TMC1: variants seen among roughly 807,000 people sequenced by gnomAD.
TMC1 encodes the protein transmembrane channel-like protein 1.
A neutral mutation model predicts 105.8 loss-of-function variants in TMC1; 84 were observed. The ratio of observed to expected loss-of-function variants is 0.79; its 90% confidence interval spans 0.67 to 0.95. The LOEUF is 0.95. TMC1 is among the 40% of genes least tolerant of loss of function. The probability of loss-of-function intolerance (pLI) is 0.00; values close to 1 mark genes in which losing one functional copy is unlikely to be tolerated. For missense variants in TMC1, 817 were observed against 914.1 expected (o/e 0.89, Z 1.37); for synonymous variants, 315 against 311.5 (o/e 1.01, Z -0.12).
chr9:72,775,309 T>C (rs1588077496), intron 13 of TMC1, among the ~76,000 whole-genome samples: 1 of 152,156 alleles, frequency 6.6e-6, no homozygotes, highest in South Asian at 2.1e-4. Flanking sequence ...CCACATCATA[T>C]GCTTAGAAAT....
At chr9:72,716,729 C>G (rs1301746292) in intron 8 of TMC1, among the ~76,000 whole-genome samples, 1 of 152,134 alleles carries the variant, frequency 6.6e-6, no homozygotes, top group Non-Finnish European at 1.5e-5. Context: ...TGAGCCAGAC[C>G]ACTTGGCTCC....
At chr9:72,557,972 G>A (rs1438973111) in intron 1 of TMC1, among the ~76,000 whole-genome samples, 1 of 152,146 alleles carries the variant, frequency 6.6e-6, no homozygotes, top group Non-Finnish European at 1.5e-5. Context: ...TTGTTCCTGG[G>A]AGTCAATTAT....
chr9:72,742,496 C>A lies in TMC1; in HGVS notation c.506C>A (p.Pro169Gln). The part of the protein sequence containing the change: ...DFENFKAACV[P>Q]WENKIKAIES... ...GAGAACTTCAAAGCTGCGTGTGTCCCATGGGAAAATAAAATCAAGGCTATT... is the reference window on the plus strand; with the variant it reads ...GAGAACTTCAAAGCTGCGTGTGTCCAATGGGAAAATAAAATCAAGGCTATT... The change falls in exon 10 of 24, where the codon CCA (proline) becomes CAA (glutamine). Residue 169 changes from proline (P) to glutamine (Q), a missense_variant. Pro to Gln is a moderately conservative substitution (Grantham distance 76). Transcript: ENST00000297784. 1 of 1,614,028 alleles carries A rather than the reference C, an allele frequency of 6.2e-7. No homozygotes were observed. The highest frequency in any genetic ancestry group is 8.5e-7 in the Non-Finnish European group (1 of 1,179,968).
At chr9:72,817,943 T>G (rs1828812665) in intron 19 of TMC1, among the ~76,000 whole-genome samples, 2 of 152,150 alleles carry the variant, frequency 1.3e-5, no homozygotes, top group South Asian at 4.1e-4. Context: ...TTCACACACT[T>G]TCCAAAGTTC....
chr9:72,754,357 CTT>C (rs1827638513), intron 11 of TMC1, among the ~76,000 whole-genome samples: 1 of 152,190 alleles, frequency 6.6e-6, no homozygotes, highest in African/African-American at 2.4e-5. Context: ...AGTTCTCTCT[CTT>C]GACATGAAGG....
intron 18 of TMC1, among the ~76,000 whole-genome samples, chr9:72,807,299 T>C (rs1192980660): frequency 6.6e-6 from 1 of 152,156 alleles, no homozygotes; most frequent in African/African-American, 2.4e-5. Context: ...TTTGCGCTTA[T>C]AAGGTTTTTC....
chr9:72,559,055 A>C (rs1053779260), intron 1 of TMC1, among the ~76,000 whole-genome samples: 1 of 152,166 alleles, frequency 6.6e-6, no homozygotes, highest in African/African-American at 2.4e-5. Context: ...ATTGAACTCA[A>C]ATGAACACAT....
rs549623933 is a variant in TMC1, at chr9:72,717,535, G to C, written c.362+16892G>C. Among the ~76,000 whole-genome samples the C allele has an allele frequency of 3.9e-5, 6 of 152,264 alleles. No homozygotes were observed. In the South Asian group the frequency reaches 1.2e-3, roughly 32 times the overall value. On this transcript the variant is annotated intron_variant, in intron 8 of 23. Coordinates refer to ENST00000297784, the MANE Select transcript of TMC1 (RefSeq NM_138691.3). ...ATTCTCTTGGCCTTTGTCTGAAAAA[G>C]ACTGTATCTTTCCTTCATTTATGAA...
At chr9:72,656,815 T>G (rs1825892333) in intron 5 of TMC1, among the ~76,000 whole-genome samples, 1 of 152,240 alleles carries the variant, frequency 6.6e-6, no homozygotes, top group Non-Finnish European at 1.5e-5. Context: ...GATAAGTTTC[T>G]TGGAATTAGC....
At chr9:72,538,572 G>T (rs1823625226) in intron 1 of TMC1, among the ~76,000 whole-genome samples, 1 of 152,096 alleles carries the variant, frequency 6.6e-6, no homozygotes, top group Non-Finnish European at 1.5e-5. Context: ...ATGTAGCTGG[G>T]ATTACAGGTG....
In TMC1 at chr9:72,700,761, T is replaced by TACAC. The variant is rs10645769; in HGVS notation, c.362+134_362+137dup. On this transcript the variant is annotated intron_variant, in intron 8 of 23. Transcript: ENST00000297784. Reference sequence around the variant, plus strand: ...ATATATATACACACACACACACACATACACACACACACACACACATACACT... The same window carrying TACAC: ...ATATATATACACACACACACACACATACACACACACACACACACACACATACACT... 0.064 allele frequency: 9,746 copies of TACAC among 151,282 alleles called. 289 individuals are homozygous for TACAC. Among genetic ancestry groups the TACAC allele is most frequent in the Admixed American group, 0.079 (761 of 9,604 alleles). 9.4% of individuals were successfully genotyped at this position (151,282 alleles called of 1,614,324 possible). A position where few individuals can be genotyped will look rare whatever the true frequency, so the allele number is the denominator to read the frequency against.
chr9:72,674,868 C>A (rs1826177483), intron 5 of TMC1, among the ~76,000 whole-genome samples: 1 of 152,142 alleles, frequency 6.6e-6, no homozygotes, highest in African/African-American at 2.4e-5. Flanking sequence ...CCAGGCTGAG[C>A]TGATGAATAA....
intron 1 of TMC1, among the ~76,000 whole-genome samples, chr9:72,555,682 G>A (rs145400264): frequency 1.8e-3 from 278 of 151,310 alleles, no homozygotes; most frequent in African/African-American, 5.7e-3. Flanking sequence ...GTGCAGTGGC[G>A]CAATCTTGGC....
chr9:72,668,025 T>C (rs914290671), intron 5 of TMC1, among the ~76,000 whole-genome samples: 8 of 152,296 alleles, frequency 5.3e-5, no homozygotes, highest in Non-Finnish European at 4.4e-5. Flanking sequence ...CCAATCATTT[T>C]ACTTGTTAAT....
intron 4 of TMC1, among the ~76,000 whole-genome samples, chr9:72,629,503 G>A (rs1440957434): frequency 1.3e-5 from 2 of 152,104 alleles, no homozygotes; most frequent in Non-Finnish European, 2.9e-5. Context: ...GAATATTAAT[G>A]ATTATAATGC....
chr9:72,529,160 C>T lies in TMC1; in HGVS notation c.-428+7247C>T, dbSNP rs1369364991. ...CAGCTATGACTTTGGTATCCGGTGG[C>T]GGGTGGGGCGGTGGGTGGGTCCTGG... On this transcript the variant is annotated intron_variant, in intron 1 of 23. Transcript: ENST00000297784. 4.2e-5 allele frequency among the ~76,000 whole-genome samples: 4 copies of T among 95,516 alleles called. No homozygotes were observed. In the South Asian group the frequency reaches 1.1e-3, roughly 27 times the overall value. The allele number at this position is 95,516 out of a possible 152,430, so 62.7% of individuals were successfully genotyped here. A position where few individuals can be genotyped will look rare whatever the true frequency, so the allele number is the denominator to read the frequency against.
At chr9:72,545,783 C>T (rs1174397368) in intron 1 of TMC1, among the ~76,000 whole-genome samples, 4 of 152,034 alleles carry the variant, frequency 2.6e-5, no homozygotes, top group African/African-American at 7.2e-5. Context: ...CCACCACACC[C>T]GGTCTCCATA....
At chr9:72,535,055 A>G (rs200767872) in intron 1 of TMC1, among the ~76,000 whole-genome samples, 2 of 45,526 alleles carry the variant, frequency 4.4e-5, no homozygotes, top group Non-Finnish European at 1.4e-4. Context: ...AGAGAGAGAG[A>G]AAAAAAAAAA....
Position 72,733,561 on chromosome 9 carries a change from C to G in TMC1, c.363-6558C>G, listed in dbSNP as rs75732728. On this transcript the variant is annotated intron_variant, in intron 8 of 23. Transcript: ENST00000297784. ...TTAGTAGTATTGCTGCTTATACAGC[C>G]GTCCACCCTTATCAGAGGGGAATAC... Among the ~76,000 whole-genome samples the G allele has an allele frequency of 3.4e-4, 52 of 152,192 alleles. 1 individual carries two copies. The highest frequency in any genetic ancestry group is 1.2e-3 in the African/African-American group (50 of 41,512).
Sources: gnomAD v4.1 joint callset for allele counts (sites outside exome capture counted in the v4.1 genomes callset) on GRCh38, gnomAD v4.1.1 for gene constraint, MANE v1.5 for transcripts, NCBI Gene and HGNC (gene_info 2026-07-23, HGNC 2026-07-21) for gene names.